Variants in ATP8A2 observed in about 807,000 individuals in gnomAD.
ATP8A2 encodes phospholipid-transporting ATPase IB.
A neutral mutation model predicts 165.6 loss-of-function variants in ATP8A2; 100 were observed. That is an observed-to-expected ratio of 0.60 (90% CI 0.51 to 0.71). ATP8A2 has a LOEUF of 0.71. ATP8A2 is among the 30% of genes least tolerant of loss of function. The pLI is 0.00. For synonymous variants in ATP8A2, 543 were observed against 548.8 expected, an observed-to-expected ratio of 0.99 and a Z score of 0.15; for missense variants, 1,227 against 1,479.5, an observed-to-expected ratio of 0.83 and a Z score of 2.80.
At chr13:25,916,609 T>C (rs1477202335) in intron 33 of ATP8A2, among the ~76,000 whole-genome samples, 2 of 152,196 alleles carry the variant, frequency 1.3e-5, no homozygotes, top group Non-Finnish European at 2.9e-5. Flanking sequence ...ATGTACGTGG[T>C]CCAGCGAGGT....
intron 16 of ATP8A2, among the ~76,000 whole-genome samples, chr13:25,564,341 C>G (rs768879849): frequency 6.6e-6 from 1 of 152,162 alleles, no homozygotes; most frequent in African/African-American, 2.4e-5. Context: ...TATTTTGTCA[C>G]AGTTGTGAAT....
intron 29 of ATP8A2, among the ~76,000 whole-genome samples, chr13:25,838,583 TAGAG>T (rs1951680626): frequency 1.3e-5 from 2 of 151,084 alleles, no homozygotes; most frequent in Non-Finnish European, 2.9e-5. Context: ...TTTTTTTAAG[TAGAG>T]AGGTCAGAGA....
At chr13:25,404,915 G>A (rs569744949) in intron 1 of ATP8A2, among the ~76,000 whole-genome samples, 11 of 152,166 alleles carry the variant, frequency 7.2e-5, no homozygotes, top group African/African-American at 2.2e-4. Flanking sequence ...ACCAGAATTC[G>A]GTGAAACCTC....
At chr13:25,885,760 A>G (rs1197311607) in intron 33 of ATP8A2, among the ~76,000 whole-genome samples, 2 of 152,230 alleles carry the variant, frequency 1.3e-5, no homozygotes, top group Non-Finnish European at 2.9e-5. Context: ...TTGTGGAGCC[A>G]GGGCATTTCT....
chr13:25,508,096 T>C (rs2037108556), intron 2 of ATP8A2, among the ~76,000 whole-genome samples: 1 of 152,204 alleles, frequency 6.6e-6, no homozygotes, highest in South Asian at 2.1e-4. Flanking sequence ...AAACTGTTAA[T>C]ATCTGTTGCT....
At chr13:25,438,834 C>A (rs2034850978) in intron 1 of ATP8A2, among the ~76,000 whole-genome samples, 1 of 151,938 alleles carries the variant, frequency 6.6e-6, no homozygotes, top group African/African-American at 2.4e-5. Context: ...GAATTTTTTA[C>A]CCCATATGCC....
At chr13:25,455,190 C>G (rs2035333288) in intron 1 of ATP8A2, among the ~76,000 whole-genome samples, 1 of 152,218 alleles carries the variant, frequency 6.6e-6, no homozygotes, top group Non-Finnish European at 1.5e-5. Flanking sequence ...TGTGGCCCAG[C>G]CTCTGACTGT....
At position 25,815,656 on chromosome 13, in the gene ATP8A2, A is replaced by G. The variant is rs77850596; in HGVS notation, c.2680-12462A>G. Among the ~76,000 whole-genome samples, 10 of 152,232 alleles carry G rather than the reference A, an allele frequency of 6.6e-5. No individual in the cohort carries two copies. The East Asian group carries it at 1.9e-3, about 29-fold the overall frequency. On this transcript the variant is annotated intron_variant, in intron 27 of 36. Transcript: ENST00000381655. Reference sequence around the variant, plus strand: ...CCTCCACGATATTAAACATAGAATTACTATATGATCCAGCAATTCTACTTC... The same window carrying G: ...CCTCCACGATATTAAACATAGAATTGCTATATGATCCAGCAATTCTACTTC...
intron 27 of ATP8A2, among the ~76,000 whole-genome samples, chr13:25,786,328 A>G (rs1279866057): frequency 1.3e-5 from 2 of 152,184 alleles, no homozygotes; most frequent in Non-Finnish European, 2.9e-5. Context: ...CAAGTGGACT[A>G]TTTAAAGATG....
intron 24 of ATP8A2, among the ~76,000 whole-genome samples, chr13:25,658,951 G>T (rs1371669305): frequency 6.6e-6 from 1 of 152,158 alleles, no homozygotes; most frequent in Non-Finnish European, 1.5e-5. Flanking sequence ...TGCTACCTAG[G>T]TAAGATTTGA....
chr13:25,773,872 A>G (rs192101663), intron 26 of ATP8A2, among the ~76,000 whole-genome samples: 1 of 152,000 alleles, frequency 6.6e-6, no homozygotes, highest in East Asian at 1.9e-4. Context: ...GTCTCTGTGT[A>G]TCTATGTGTG....
chr13:25,528,775 C>CAT lies in ATP8A2; in HGVS notation c.222-1223_222-1222insTA, dbSNP rs1216309874. ...TGCATACATATGCAACATGTGTATG[C>CAT]ACACATATGCAACATGTGTATGCAC... is the stretch of plus-strand genomic sequence containing the variant. On this transcript the variant is annotated intron_variant, in intron 2 of 36. Coordinates refer to ENST00000381655, the MANE Select transcript of ATP8A2 (RefSeq NM_016529.6). 9.6e-3 allele frequency among the ~76,000 whole-genome samples: 671 copies of CAT among 70,040 alleles called. 23 individuals carry two copies. Among genetic ancestry groups the CAT allele is most frequent in the African/African-American group, 0.029 (641 of 22,328 alleles). The allele number at this position is 70,040 out of a possible 152,430, so 45.9% of individuals were successfully genotyped here.
chr13:26,015,655 A>G (rs1956953545), intron 36 of ATP8A2, among the ~76,000 whole-genome samples: 1 of 152,196 alleles, frequency 6.6e-6, no homozygotes, highest in Non-Finnish European at 1.5e-5. Context: ...AGACAAAACA[A>G]CTAAGAAATC....
intron 27 of ATP8A2, among the ~76,000 whole-genome samples, chr13:25,785,425 T>C (rs1049728225): frequency 3.3e-5 from 5 of 152,168 alleles, no homozygotes; most frequent in African/African-American, 7.2e-5. Context: ...TCTACCTTAA[T>C]AGAACTTCTA....
intron 33 of ATP8A2, among the ~76,000 whole-genome samples, chr13:25,892,313 G>A (rs1209493097): frequency 1.3e-5 from 2 of 152,080 alleles, no homozygotes; most frequent in East Asian, 3.9e-4. Context: ...GTGTCAGCTT[G>A]GGTTCTTACT....
At chr13:25,591,478 G>C (rs924737487) in intron 24 of ATP8A2, 1 of 398,826 alleles carries the variant, frequency 2.5e-6, no homozygotes, top group African/African-American at 2.1e-5. Flanking sequence ...CGGACCATGT[G>C]TCAGAATTTC....
chr13:25,655,439 G>A (rs1188521272), intron 24 of ATP8A2, among the ~76,000 whole-genome samples: 2 of 152,196 alleles, frequency 1.3e-5, no homozygotes, highest in Non-Finnish European at 2.9e-5. Context: ...GATTACAGGC[G>A]TGAGCCACCA....
Position 25,530,094 on chromosome 13 carries a change from T to A in ATP8A2, c.317T>A (p.Leu106Ter). ...GCCTTCTTTCTCTTCATTGCCTTATTACAGGTAATGGTTTTTTAACAGTTC... is the reference window on the plus strand; with the variant it reads ...GCCTTCTTTCTCTTCATTGCCTTATAACAGGTAATGGTTTTTTAACAGTTC... The part of the protein sequence containing the change: ...ANAFFLFIAL[L>*]QQIPDVSPTG... The change falls in exon 3 of 37, where the codon TTA becomes TAA. Residue 106 changes from leucine to a stop codon, truncating the protein, a stop_gained. Coordinates refer to ENST00000381655, the MANE Select transcript of ATP8A2 (RefSeq NM_016529.6). LOFTEE classifies it high-confidence loss of function. 2 of 1,576,876 alleles carry A rather than the reference T, an allele frequency of 1.3e-6. No homozygotes were observed. Among genetic ancestry groups the A allele is most frequent in the Non-Finnish European group, 1.7e-6 (2 of 1,148,510 alleles).
chr13:25,446,253 T>C lies in ATP8A2; in HGVS notation c.77-22724T>C, dbSNP rs78667764. On this transcript the variant is annotated intron_variant, in intron 1 of 36. Transcript: ENST00000381655. ...ACCAGCTGTGCTATTTCTGAATGCA[T>C]GGCTCATAACTCTAATGGTGCTTGG... Among the ~76,000 whole-genome samples, 1,243 of 152,296 alleles carry C rather than the reference T, an allele frequency of 8.2e-3. 16 individuals are homozygous for C. Among genetic ancestry groups the C allele is most frequent in the African/African-American group, 0.028 (1,184 of 41,568 alleles).
Sources: gnomAD v4.1 joint callset for allele counts (sites outside exome capture counted in the v4.1 genomes callset) on GRCh38, gnomAD v4.1.1 for gene constraint, MANE v1.5 for transcripts, NCBI Gene and HGNC (gene_info 2026-07-23, HGNC 2026-07-21) for gene names.